Variants in CENPE observed in about 807,000 individuals in gnomAD.
CENPE encodes the protein centromere protein E, also known as centromere-associated protein E.
In CENPE, 145 loss-of-function variants were observed where a neutral mutation model predicts 336.1. The observed-to-expected ratio is 0.43, with a 90% CI of 0.38 to 0.50. The LOEUF (loss-of-function observed/expected upper bound fraction) is 0.50. Ranked by LOEUF, CENPE falls within the 20% of genes least tolerant of loss-of-function variation. The pLI is 0.00. For missense variants in CENPE, 2,719 were observed against 3,023.3 expected (o/e 0.90, Z 2.36); for synonymous variants, 1,013 against 984.8 (o/e 1.03, Z -0.54).
chr4:103,169,697 T>C (rs1560655691), intron 16 of CENPE, among the ~76,000 whole-genome samples: 1 of 152,168 alleles, frequency 6.6e-6, no homozygotes, highest in Non-Finnish European at 1.5e-5. Context: ...GAGTGTAAAT[T>C]AGTTCAACAT....
intron 46 of CENPE, among the ~76,000 whole-genome samples, chr4:103,112,480 T>C (rs1334938914): frequency 6.9e-6 from 1 of 144,874 alleles, no homozygotes; most frequent in Non-Finnish European, 1.5e-5. Context: ...TATACTTATA[T>C]ATACTAAGTA....
rs543654462 is a variant in CENPE, at chr4:103,141,041, G to T, written c.5527C>A (p.Gln1843Lys). 142 of 1,597,376 alleles carry T rather than the reference G, an allele frequency of 8.9e-5. No individual in the cohort carries two copies. The highest frequency in any genetic ancestry group is 1.2e-4 in the Non-Finnish European group (139 of 1,169,312). The change falls in exon 36 of 49, where the codon CAG (glutamine) becomes AAG (lysine). Residue 1843 changes from glutamine (Q) to lysine (K), a missense_variant. Gln to Lys is a moderately conservative substitution (Grantham distance 53, BLOSUM62 1). Transcript: ENST00000265148. ...TGCTCCATTTCAGACACTTTTTTCT[G>T]TGTCTCATTGACATCTTTTTTTAAC... is the stretch of plus-strand genomic sequence containing the variant. ...ITLKKDVNET[Q>K]KKVSEMEQLK...
chr4:103,133,956 A>T (rs1560611512), intron 40 of CENPE, 64 bp from the exon 41 acceptor site: 1 of 1,010,250 alleles, frequency 9.9e-7, no homozygotes, highest in Non-Finnish European at 1.5e-6. Flanking sequence ...GAAAGTTTTC[A>T]TCCTTGAGAC....
intron 40 of CENPE, among the ~76,000 whole-genome samples, chr4:103,134,387 C>A (rs1056590928): frequency 6.6e-6 from 1 of 152,072 alleles, no homozygotes; most frequent in Admixed American, 6.6e-5. Context: ...GTAATCCCAG[C>A]ACTTTGGGAG....
Position 103,139,786 on chromosome 4 carries a change from C to T in CENPE, c.6204+3G>A. Reference sequence around the variant, plus strand: ...ACTACACAAAGGAAGACTCTGAACTCACTCTAGCTATCATTTCCCTTAAGG... The same window carrying T: ...ACTACACAAAGGAAGACTCTGAACTTACTCTAGCTATCATTTCCCTTAAGG... On this transcript the variant is annotated splice_donor_region_variant and intron_variant, in intron 38 of 48. Coordinates refer to ENST00000265148, the MANE Select transcript of CENPE (RefSeq NM_001813.3). The T allele has an allele frequency of 6.3e-7, 1 of 1,596,832 alleles. No homozygotes were observed. Among genetic ancestry groups the T allele is most frequent in the Non-Finnish European group, 8.5e-7 (1 of 1,173,434 alleles).
intron 16 of CENPE, among the ~76,000 whole-genome samples, chr4:103,166,192 C>A (rs1754902398): frequency 6.6e-6 from 1 of 152,058 alleles, no homozygotes; most frequent in Non-Finnish European, 1.5e-5. Context: ...TCAGAAGGGA[C>A]CTTGGTGAGC....
In CENPE at chr4:103,106,051, A is replaced by G. The variant is rs1188508556; in HGVS notation, c.*171T>C. 2 of 401,466 alleles carry G rather than the reference A, an allele frequency of 5.0e-6. No individual in the cohort carries two copies. The highest frequency in any genetic ancestry group is 4.1e-5 in the African/African-American group (2 of 48,830). 24.9% of individuals were successfully genotyped at this position (401,466 alleles called of 1,614,324 possible). ...GAAGGTATTGCTATCACCATTCTAA[A>G]TTACCACAATGCATTCATTTCCTGT... is the stretch of plus-strand genomic sequence containing the variant. On this transcript the variant is annotated 3_prime_UTR_variant, in exon 49 of 49. Transcript: ENST00000265148.
In CENPE at chr4:103,196,174, T is replaced by C. The variant is rs1578706795; in HGVS notation, c.227A>G (p.Gln76Arg). Residue 76 changes from glutamine (Q) to arginine (R), a missense_variant, in exon 3 of 49, where the codon CAA becomes CGA. Physicochemically the swap from Gln to Arg is conservative, Grantham distance 43. Around this residue, in one of 5 missense-constraint regions of CENPE, gnomAD observed 106 missense variants for 189.3 expected, o/e 0.56. Coordinates refer to ENST00000265148, the MANE Select transcript of CENPE (RefSeq NM_001813.3). ...GAGTGAATACAAACCATTGTAGCCTTGTATGGCAGAATCGATGATTGGTGC... is the reference window on the plus strand; with the variant it reads ...GAGTGAATACAAACCATTGTAGCCTCGTATGGCAGAATCGATGATTGGTGC... ...IAAPIIDSAI[Q>R]GYNGTIFAYG... is the part of the protein sequence containing the mutation. 1 of 1,613,828 alleles carries C rather than the reference T, an allele frequency of 6.2e-7. No homozygotes were observed. Among genetic ancestry groups the C allele is most frequent in the Non-Finnish European group, 8.5e-7 (1 of 1,179,698 alleles).
At chr4:103,136,094 G>A in intron 40 of CENPE, 47 bp downstream of exon 40, 2 of 1,477,564 alleles carry the variant, frequency 1.4e-6, no homozygotes, top group Non-Finnish European at 9.3e-7. Flanking sequence ...ATACATTGAT[G>A]TTTATAACTG....
At chr4:103,156,592 C>T (rs1753976197) in intron 24 of CENPE, among the ~76,000 whole-genome samples, 1 of 152,082 alleles carries the variant, frequency 6.6e-6, no homozygotes, top group African/African-American at 2.4e-5. Context: ...AAATGGATTA[C>T]AGGCCTAAAC....
chr4:103,188,991 A>G lies in CENPE; in HGVS notation c.694-3130T>C, dbSNP rs182778946. On this transcript the variant is annotated intron_variant, in intron 8 of 48. Coordinates refer to ENST00000265148, the MANE Select transcript of CENPE (RefSeq NM_001813.3). ...CACCGATCCCACAGAAATACAAACT[A>G]CCATCAGAGAATACTATAAACACCT... is the stretch of plus-strand genomic sequence containing the variant. Among the ~76,000 whole-genome samples, 678 of 152,312 alleles carry G rather than the reference A, an allele frequency of 4.5e-3. 3 individuals carry two copies. Among genetic ancestry groups the G allele is most frequent in the Middle Eastern group, 0.031 (9 of 294 alleles).
intron 42 of CENPE, among the ~76,000 whole-genome samples, chr4:103,130,672 G>A (rs1017927259): frequency 3.3e-5 from 5 of 152,064 alleles, no homozygotes; most frequent in Admixed American, 1.3e-4. Context: ...AGTTTATATG[G>A]AGAGGCAAAG....
intron 43 of CENPE, among the ~76,000 whole-genome samples, chr4:103,121,705 C>T (rs1042454811): frequency 2.6e-5 from 4 of 151,732 alleles, no homozygotes; most frequent in Non-Finnish European, 5.9e-5. Context: ...GATGTCACTG[C>T]ACCTGGATAA....
At chr4:103,114,116 C>T (rs893373995) in intron 46 of CENPE, among the ~76,000 whole-genome samples, 3 of 152,054 alleles carry the variant, frequency 2.0e-5, no homozygotes, top group African/African-American at 2.4e-5. Flanking sequence ...TCTACGAAGA[C>T]ATGTGTTTCG....
At chr4:103,139,437 T>C (rs944278665) in intron 38 of CENPE, among the ~76,000 whole-genome samples, 1 of 152,108 alleles carries the variant, frequency 6.6e-6, no homozygotes, top group Non-Finnish European at 1.5e-5. Flanking sequence ...CTCCAGCATG[T>C]ATAGGTAGAG....
At position 103,159,323 on chromosome 4, in the gene CENPE, A is replaced by G. The variant is rs1754233321; in HGVS notation, c.2288T>C (p.Ile763Thr). 3 of 1,430,152 alleles carry G rather than the reference A, an allele frequency of 2.1e-6. No homozygotes were observed. The highest frequency in any genetic ancestry group is 2.9e-5 in the African/African-American group (2 of 68,230). The allele number at this position is 1,430,152 out of a possible 1,614,324, so 88.6% of individuals were successfully genotyped here. ...ATGGAGCTCTTCAGATTTGTCTTGT[A>G]TCTATGGAAAAGAAATAAAATTTAG... ...PSEVERLRKE[I>T]QDKSEELHII... The change falls in exon 22 of 49, where the codon ATA (isoleucine) becomes ACA (threonine). Residue 763 changes from isoleucine to threonine, a missense_variant and splice_region_variant. Ile to Thr is a moderately conservative substitution (Grantham distance 89). Coordinates refer to ENST00000265148, the MANE Select transcript of CENPE (RefSeq NM_001813.3).
chr4:103,184,740 C>T (rs2126029063), intron 9 of CENPE, among the ~76,000 whole-genome samples: 1 of 152,164 alleles, frequency 6.6e-6, no homozygotes, highest in Admixed American at 6.5e-5. Context: ...GTTTTACTAT[C>T]TTATAGTAAG....
chr4:103,115,592 T>C (rs904365442), intron 45 of CENPE, among the ~76,000 whole-genome samples: 2 of 152,202 alleles, frequency 1.3e-5, no homozygotes, highest in East Asian at 1.9e-4. Flanking sequence ...AAGATTTATA[T>C]AGGAAGAATG....
chr4:103,179,580 T>C (rs886465309), intron 13 of CENPE, among the ~76,000 whole-genome samples: 1 of 152,218 alleles, frequency 6.6e-6, no homozygotes, highest in Non-Finnish European at 1.5e-5. Flanking sequence ...TGTACATTAG[T>C]TGAGAATATG....
Sources: gnomAD v4.1 joint callset for allele counts (sites outside exome capture counted in the v4.1 genomes callset) on GRCh38, gnomAD v4.1.1 for gene constraint, gnomAD v4.1.1 regional missense constraint, MANE v1.5 for transcripts, NCBI Gene and HGNC (gene_info 2026-07-23, HGNC 2026-07-21) for gene names.